Variants in VPS8 observed in about 807,000 individuals in gnomAD.
The protein encoded by VPS8 is VPS8 subunit of CORVET complex.
In VPS8, 129 loss-of-function variants were observed where a neutral mutation model predicts 216.4. The observed-to-expected ratio is 0.60, with a 90% confidence interval of 0.52 to 0.69. VPS8 has a LOEUF of 0.69. Among genes scored for constraint, VPS8 ranks in the 30% least tolerant of loss-of-function variants. VPS8 has a pLI of 0.00. For synonymous variants in VPS8, 571 were observed against 565.4 expected, an observed-to-expected ratio of 1.01 and a Z score of -0.14; for missense variants, 1,531 against 1,683.5, an observed-to-expected ratio of 0.91 and a Z score of 1.59.
intron 37 of VPS8, among the ~76,000 whole-genome samples, chr3:184,958,024 C>CT (rs1745910993): frequency 6.6e-6 from 1 of 152,166 alleles, no homozygotes. Context: ...TTTTCATTGT[C>CT]TTTAACTTAA....
At position 184,838,747 on chromosome 3, in the gene VPS8, G is replaced by GT; in HGVS notation, c.480+2dup. 1.3e-6 allele frequency: 2 copies of GT among 1,542,372 alleles called. No individual in the cohort carries two copies. The highest frequency in any genetic ancestry group is 1.7e-6 in the Non-Finnish European group (2 of 1,143,874). On this transcript the variant is annotated splice_donor_variant, in intron 6 of 47. Coordinates refer to ENST00000625842, the MANE Select transcript of VPS8 (RefSeq NM_001009921.3). LOFTEE classifies it high-confidence loss of function. ...AGATGCTGGCTTGCCTACAGCAATT[G>GT]TAAGTATACTTTAACTTTTTAAAGG...
intron 1 of VPS8, among the ~76,000 whole-genome samples, chr3:184,818,210 C>G (rs746889134): frequency 6.6e-6 from 1 of 152,014 alleles, no homozygotes; most frequent in Non-Finnish European, 1.5e-5. Flanking sequence ...GGGATTTTAT[C>G]CTGGAGGCAT....
intron 6 of VPS8, chr3:184,839,380 G>A (rs925397539): frequency 1.1e-5 from 3 of 285,198 alleles, no homozygotes; most frequent in Middle Eastern, 1.1e-3. Context: ...TAGCATAAGT[G>A]CCTCTTACTT....
chr3:184,840,002 C>A, intron 7 of VPS8: 2 of 910,010 alleles, frequency 2.2e-6, no homozygotes, highest in Non-Finnish European at 2.8e-6. Flanking sequence ...CTCTGCAAAC[C>A]TAGACAAAAA....
intron 45 of VPS8, among the ~76,000 whole-genome samples, chr3:185,022,515 G>T (rs1010166749): frequency 1.3e-5 from 2 of 152,108 alleles, no homozygotes; most frequent in Non-Finnish European, 2.9e-5. Flanking sequence ...GTCCATTTTT[G>T]TAAGTTCTGT....
intron 36 of VPS8, among the ~76,000 whole-genome samples, chr3:184,953,794 G>A (rs1424170975): frequency 1.3e-5 from 2 of 152,152 alleles, no homozygotes; most frequent in African/African-American, 4.8e-5. Context: ...AATTTCCCTC[G>A]AAGAGATTCA....
chr3:184,846,037 A>G (rs1723063173), intron 8 of VPS8, among the ~76,000 whole-genome samples: 1 of 152,208 alleles, frequency 6.6e-6, no homozygotes, highest in African/African-American at 2.4e-5. Flanking sequence ...TCTACATTTT[A>G]CAGATGAAGA....
At chr3:184,833,327 GA>G (rs1720396517) in intron 4 of VPS8, among the ~76,000 whole-genome samples, 1 of 152,134 alleles carries the variant, frequency 6.6e-6, no homozygotes, top group South Asian at 2.1e-4. Context: ...CTATGAAAAG[GA>G]AAGAGAATTG....
At chr3:184,848,362 T>C (rs181913953) in intron 8 of VPS8, among the ~76,000 whole-genome samples, 5 of 152,312 alleles carry the variant, frequency 3.3e-5, no homozygotes, top group South Asian at 2.1e-4. Flanking sequence ...ATTAAGTTTC[T>C]TGAGTTTTGA....
chr3:184,911,743 C>T (rs1736571563), intron 25 of VPS8, among the ~76,000 whole-genome samples: 1 of 152,210 alleles, frequency 6.6e-6, no homozygotes, highest in Admixed American at 6.5e-5. Flanking sequence ...GCTGGACGAG[C>T]TCCATCTGGC....
chr3:185,000,494 G>A lies in VPS8; in HGVS notation c.4002+633G>A, dbSNP rs546330808. Among the ~76,000 whole-genome samples, 4 of 152,146 alleles carry A rather than the reference G, an allele frequency of 2.6e-5. No homozygotes were observed. In the East Asian group the frequency reaches 7.7e-4, roughly 29 times the overall value. The stretch of plus-strand genomic sequence containing the variant: ...CTACTCGGCTATACTTCCTCTTTGA[G>A]GTAGTATCATATTTTTGGCTTCCTG... On this transcript the variant is annotated intron_variant, in intron 45 of 47. Transcript: ENST00000625842.
chr3:184,920,186 T>C lies in VPS8; in HGVS notation c.2442T>C (p.Asp814=). Residue 814 remains aspartate (D), a synonymous_variant, in exon 29 of 48, where the codon GAT becomes GAC. Transcript: ENST00000625842. ...QAVEYQQRIV[D]ILLKVMVENS... ...TGGAATATCAACAGCGAATTGTGGA[T>C]ATTTTGTTGAAAGTAAGTATTCAAA... The C allele has an allele frequency of 6.6e-7, 1 of 1,522,196 alleles. No homozygotes were observed. Among genetic ancestry groups the C allele is most frequent in the African/African-American group, 1.4e-5 (1 of 72,062 alleles). The allele number at this position is 1,522,196 out of a possible 1,614,324, so 94.3% of individuals were successfully genotyped here.
At chr3:184,929,713 T>G (rs985833473) in intron 33 of VPS8, 49 bp downstream of exon 33, 4 of 1,123,292 alleles carry the variant, frequency 3.6e-6, no homozygotes, top group Admixed American at 3.3e-5. Context: ...ACTTTCCCTC[T>G]TATTGAGTAC....
chr3:184,928,751 T>C (rs180992584), intron 32 of VPS8, among the ~76,000 whole-genome samples: 16 of 152,336 alleles, frequency 1.1e-4, no homozygotes. Flanking sequence ...AACTTTTATA[T>C]AATTGTTTAA....
At chr3:184,941,885 G>T (rs977559450) in intron 36 of VPS8, among the ~76,000 whole-genome samples, 2 of 151,584 alleles carry the variant, frequency 1.3e-5, no homozygotes, top group East Asian at 3.9e-4. Flanking sequence ...AAGTGATGGT[G>T]ACCAAGTATA....
chr3:184,927,169 C>G (rs970050617), intron 31 of VPS8, among the ~76,000 whole-genome samples: 5 of 152,162 alleles, frequency 3.3e-5, no homozygotes, highest in Non-Finnish European at 7.4e-5. Flanking sequence ...ATGCCACTTT[C>G]TTGAGGTTGC....
chr3:184,816,588 A>G (rs901953168), intron 1 of VPS8, among the ~76,000 whole-genome samples: 10 of 152,184 alleles, frequency 6.6e-5, no homozygotes, highest in Non-Finnish European at 1.3e-4. Flanking sequence ...ATCCCAGTAT[A>G]TAGTAATGTT....
rs115857311 is a variant in VPS8, at chr3:184,822,454, A to G, written c.-88-2091A>G. ...CTCTTAATAACTCCAGATATGAGAT[A>G]AAAAGAGCTGGAAAAAATTGTTTTC... On this transcript the variant is annotated intron_variant, in intron 1 of 47. Transcript: ENST00000625842. Among the ~76,000 whole-genome samples the G allele has an allele frequency of 6.6e-3, 1,010 of 152,322 alleles. 9 individuals are homozygous for G. Among genetic ancestry groups the G allele is most frequent in the African/African-American group, 0.023 (949 of 41,562 alleles).
Position 184,850,029 on chromosome 3 carries a change from G to A in VPS8, c.753+7G>A. On this transcript the variant is annotated splice_region_variant and intron_variant, in intron 10 of 47. Coordinates refer to ENST00000625842, the MANE Select transcript of VPS8 (RefSeq NM_001009921.3). ...AGCAATATTGCATATCAAGGTAAGAGCTTTATTTTCTTTTCCTAATAATTT... is the reference window on the plus strand; with the variant it reads ...AGCAATATTGCATATCAAGGTAAGAACTTTATTTTCTTTTCCTAATAATTT... 1 of 1,592,192 alleles carries A rather than the reference G, an allele frequency of 6.3e-7. No homozygotes were observed. Among genetic ancestry groups the A allele is most frequent in the Non-Finnish European group, 8.5e-7 (1 of 1,172,802 alleles).
Sources: allele counts gnomAD v4.1 joint callset (sites outside exome capture counted in the v4.1 genomes callset), GRCh38; gene constraint gnomAD v4.1.1; transcripts MANE v1.5; gene names NCBI Gene and HGNC (gene_info 2026-07-23, HGNC 2026-07-21).